MPP7: variants seen among roughly 807,000 people sequenced by gnomAD.
MPP7 encodes MAGUK p55 scaffold protein 7, also known as MAGUK p55 subfamily member 7.
Under a neutral mutation model 76.5 loss-of-function variants are expected in MPP7, and 60 were observed. The observed-to-expected ratio is 0.78, with a 90% confidence interval of 0.64 to 0.97. The LOEUF (loss-of-function observed/expected upper bound fraction) is 0.97. Ranked by LOEUF, MPP7 falls within the 50% of genes least tolerant of loss-of-function variation. The pLI is 0.00. For synonymous variants in MPP7, 237 were observed against 244.5 expected (o/e 0.97, Z 0.29); for missense variants, 641 against 694.0 (o/e 0.92, Z 0.86).
At chr10:28,177,427 C>T (rs1364063268) in intron 3 of MPP7, among the ~76,000 whole-genome samples, 1 of 139,298 alleles carries the variant, frequency 7.2e-6, no homozygotes, top group Admixed American at 7.3e-5. Flanking sequence ...AAAAAGAGTT[C>T]TTACTGATTC....
intron 11 of MPP7, among the ~76,000 whole-genome samples, chr10:28,108,173 T>C (rs534646736): frequency 6.6e-6 from 1 of 152,250 alleles, no homozygotes; most frequent in Non-Finnish European, 1.5e-5. Context: ...GGGTAAATAC[T>C]GTAAACTTTC....
At chr10:28,095,382 T>G (rs1853521028) in intron 11 of MPP7, among the ~76,000 whole-genome samples, 1 of 152,062 alleles carries the variant, frequency 6.6e-6, no homozygotes. Flanking sequence ...TGATGATTTT[T>G]CAGCCTGCCC....
chr10:28,259,063 C>T (rs967556421), intron 1 of MPP7, among the ~76,000 whole-genome samples: 2 of 152,136 alleles, frequency 1.3e-5, no homozygotes, highest in Admixed American at 1.3e-4. Flanking sequence ...CAGCCCACCA[C>T]CATTCATCCT....
At chr10:28,212,428 T>C (rs1838169759) in intron 2 of MPP7, among the ~76,000 whole-genome samples, 1 of 152,192 alleles carries the variant, frequency 6.6e-6, no homozygotes, top group Non-Finnish European at 1.5e-5. Flanking sequence ...ATGGGGAAGT[T>C]CAGCCTTAGA....
At chr10:28,324,983 C>A (rs1192053202) in intron 2 of MPP7, among the ~76,000 whole-genome samples, 1 of 152,172 alleles carries the variant, frequency 6.6e-6, no homozygotes, top group Admixed American at 6.5e-5. Flanking sequence ...GCCTTGACCT[C>A]CCAGATTCAA....
intron 12 of MPP7, among the ~76,000 whole-genome samples, chr10:28,077,706 T>A (rs1449208991): frequency 6.6e-6 from 1 of 152,240 alleles, no homozygotes; most frequent in Non-Finnish European, 1.5e-5. Flanking sequence ...ACCCCTTCGA[T>A]AAAGAAATTT....
intron 3 of MPP7, among the ~76,000 whole-genome samples, chr10:28,157,323 T>C (rs1836100026): frequency 6.6e-6 from 1 of 152,168 alleles, no homozygotes; most frequent in African/African-American, 2.4e-5. Context: ...TGTCTATCAT[T>C]TGGGAATCCA....
intron 12 of MPP7, among the ~76,000 whole-genome samples, chr10:28,087,820 A>AGT (rs1853093434): frequency 6.6e-6 from 1 of 152,120 alleles, no homozygotes; most frequent in Non-Finnish European, 1.5e-5. Flanking sequence ...GAGGTGGGAG[A>AGT]GGAGCAGGAG....
At chr10:28,066,277 T>C (rs966200547) in intron 13 of MPP7, among the ~76,000 whole-genome samples, 4 of 152,208 alleles carry the variant, frequency 2.6e-5, no homozygotes, top group Admixed American at 2.0e-4. Context: ...CACCACTTTC[T>C]TGAAAAGCAA....
At chr10:28,137,804 C>T (rs528348163) in intron 5 of MPP7, among the ~76,000 whole-genome samples, 179 of 152,262 alleles carry the variant, frequency 1.2e-3, no homozygotes, top group Admixed American at 3.3e-3. Flanking sequence ...GATGGGTTTA[C>T]CTGTTGCTCA....
chr10:28,150,774 C>T (rs1835859045), intron 3 of MPP7, among the ~76,000 whole-genome samples: 1 of 151,844 alleles, frequency 6.6e-6, no homozygotes, highest in Non-Finnish European at 1.5e-5. Flanking sequence ...AAATTTAGCC[C>T]TTCATTTCCC....
At chr10:28,288,229 GTTA>G (rs1465969426) in intron 1 of MPP7, among the ~76,000 whole-genome samples, 1 of 151,984 alleles carries the variant, frequency 6.6e-6, no homozygotes, top group Non-Finnish European at 1.5e-5. Flanking sequence ...ATACAAAAGG[GTTA>G]TTATGTTTTG....
At chr10:28,177,532 T>C (rs1285345925) in intron 3 of MPP7, among the ~76,000 whole-genome samples, 1 of 152,122 alleles carries the variant, frequency 6.6e-6, no homozygotes, top group Non-Finnish European at 1.5e-5. Flanking sequence ...ACCTAAGAAT[T>C]GATAAGGAAA....
intron 2 of MPP7, among the ~76,000 whole-genome samples, chr10:28,323,284 C>CA (rs1403039068): frequency 6.7e-6 from 1 of 149,264 alleles, no homozygotes; most frequent in East Asian, 2.0e-4. Flanking sequence ...CACTCCATCT[C>CA]AAAAAAAAAG....
chr10:28,103,700 TCC>T lies in MPP7; in HGVS notation c.953-13861_953-13860del, dbSNP rs1853940335. ...TGTTTGTTTTGATTTCTGTTGAAAC[TCC>T]AGTGCCCAGAACAGCATCTAGAATG... On this transcript the variant is annotated intron_variant, in intron 11 of 16. Transcript: ENST00000683449. Among the ~76,000 whole-genome samples, 3 of 151,986 alleles carry T rather than the reference TCC, an allele frequency of 2.0e-5. 1 individual carries two copies. In the South Asian group the frequency reaches 6.2e-4, roughly 32 times the overall value.
intron 1 of MPP7, among the ~76,000 whole-genome samples, chr10:28,259,845 C>T (rs1244977296): frequency 3.3e-5 from 5 of 151,804 alleles, no homozygotes; most frequent in East Asian, 3.9e-4. Context: ...TAGCCAGGCA[C>T]GGTGGTGTGC....
intron 11 of MPP7, among the ~76,000 whole-genome samples, chr10:28,092,300 C>G (rs978755791): frequency 3.9e-5 from 6 of 152,120 alleles, no homozygotes; most frequent in African/African-American, 1.4e-4. Flanking sequence ...GACAGTTGTT[C>G]TAAAGCTCCT....
intron 12 of MPP7, among the ~76,000 whole-genome samples, chr10:28,086,285 C>T (rs1853005169): frequency 6.6e-6 from 1 of 151,898 alleles, no homozygotes; most frequent in African/African-American, 2.4e-5. Context: ...GTACATGTAT[C>T]CCAGAATTTA....
rs1450447095 is a variant in MPP7 at position 28,150,362 on chromosome 10, C to G, written c.157-303G>C. On this transcript the variant is annotated intron_variant, in intron 3 of 16. Coordinates refer to ENST00000683449, the MANE Select transcript of MPP7 (RefSeq NM_001318170.2). ...AGTCTTTGTCTTTCCCCTCAATAAG[C>G]ATGTTAAGTTTTGTGATGTCTATTA... is the stretch of plus-strand genomic sequence containing the variant. 2.0e-5 allele frequency among the ~76,000 whole-genome samples: 3 copies of G among 152,160 alleles called. No individual in the cohort carries two copies. The East Asian group carries it at 5.8e-4, about 29-fold the overall frequency.
Sources: allele counts gnomAD v4.1 joint callset (sites outside exome capture counted in the v4.1 genomes callset), GRCh38; gene constraint gnomAD v4.1.1; transcripts MANE v1.5; gene names NCBI Gene and HGNC (gene_info 2026-07-23, HGNC 2026-07-21).